Variants in VPS33A observed in about 807,000 individuals in gnomAD.
VPS33A encodes the protein vacuolar protein sorting-associated protein 33A.
VPS33A carries 32 observed loss-of-function variants against 71.8 expected under a neutral mutation model. The ratio of observed to expected loss-of-function variants is 0.45; its 90% CI spans 0.34 to 0.60. The LOEUF is 0.60. Ranked by LOEUF, VPS33A falls within the 20% of genes least tolerant of loss-of-function variation. The probability of loss-of-function intolerance (pLI) is 0.02; values close to 1 mark genes in which losing one functional copy is unlikely to be tolerated. For missense variants in VPS33A, 625 were observed against 748.5 expected, an observed-to-expected ratio of 0.84 and a Z score of 1.92; for synonymous variants, 311 against 292.7, an observed-to-expected ratio of 1.06 and a Z score of -0.64.
intron 6 of VPS33A, chr12:122,247,991 A>G (rs1208582750): frequency 1.3e-5 from 2 of 151,888 alleles, no homozygotes; most frequent in Non-Finnish European, 2.9e-5. Context: ...CCACCTCCTA[A>G]GTTCAAGCGA....
At chr12:122,233,463 T>C (rs1272500387) in intron 11 of VPS33A, among the ~76,000 whole-genome samples, 1 of 152,126 alleles carries the variant, frequency 6.6e-6, no homozygotes, top group Non-Finnish European at 1.5e-5. Context: ...TGACCTCAGG[T>C]GATCCACCTG....
At chr12:122,260,719 C>T (rs1449607324) in intron 4 of VPS33A, among the ~76,000 whole-genome samples, 1 of 152,210 alleles carries the variant, frequency 6.6e-6, no homozygotes, top group East Asian at 1.9e-4. Flanking sequence ...GGCGCGGTGG[C>T]TCACGCCTGT....
intron 11 of VPS33A, 145 bp downstream of exon 11, chr12:122,235,641 A>G (rs1163726352): frequency 3.8e-6 from 4 of 1,065,280 alleles, no homozygotes; most frequent in Non-Finnish European, 5.3e-6. Flanking sequence ...TGATGGATAC[A>G]ATACATGCAT....
intron 6 of VPS33A, among the ~76,000 whole-genome samples, chr12:122,246,444 C>T (rs61954371): frequency 0.078 from 11,887 of 151,556 alleles, 565 homozygotes; most frequent in Middle Eastern, 0.13. Context: ...GGATTACAGG[C>T]GCCCGCCACC....
intron 3 of VPS33A, among the ~76,000 whole-genome samples, chr12:122,262,842 G>A (rs867174017): frequency 6.6e-6 from 1 of 151,826 alleles, no homozygotes; most frequent in Non-Finnish European, 1.5e-5. Flanking sequence ...TTTAATTTTT[G>A]GGGGGTACAT....
At chr12:122,256,538 C>A (rs1954921627) in intron 4 of VPS33A, among the ~76,000 whole-genome samples, 1 of 151,880 alleles carries the variant, frequency 6.6e-6, no homozygotes, top group Non-Finnish European at 1.5e-5. Flanking sequence ...TGTGCCACTG[C>A]ATCCCAGCCT....
chr12:122,241,285 C>G (rs1024463849), intron 8 of VPS33A, among the ~76,000 whole-genome samples: 1 of 151,834 alleles, frequency 6.6e-6, no homozygotes, highest in Non-Finnish European at 1.5e-5. Context: ...AAAAAATGGA[C>G]CCTTCCTCTC....
In VPS33A at chr12:122,244,514, G is replaced by T. The variant is rs535210679; in HGVS notation, c.969+55C>A. 44 of 1,467,974 alleles carry T rather than the reference G, an allele frequency of 3.0e-5. No homozygotes were observed. In the South Asian group the frequency reaches 4.9e-4, roughly 16 times the overall value. The allele number at this position is 1,467,974 out of a possible 1,614,324, so 90.9% of individuals were successfully genotyped here. On this transcript the variant is annotated intron_variant, in intron 7 of 12. Transcript: ENST00000267199. ...TTTGGAGCTCTTATTCCCCTCAGGG[G>T]TGGGCATCTACCTGAGGCCTAGAGT...
At position 122,265,437 on chromosome 12, in the gene VPS33A, T is replaced by C. The variant is rs114337697; in HGVS notation, c.102+870A>G. On this transcript the variant is annotated intron_variant, in intron 1 of 12. Coordinates refer to ENST00000267199, the MANE Select transcript of VPS33A (RefSeq NM_022916.6). ...ATTTAAATAATTGTACATTAACGTT[T>C]AGTTAAAAGAAATAATACAGAGCGA... Among the ~76,000 whole-genome samples, 787 of 152,220 alleles carry C rather than the reference T, an allele frequency of 5.2e-3. 10 individuals carry two copies. The highest frequency in any genetic ancestry group is 0.018 in the African/African-American group (749 of 41,544).
At chr12:122,247,955 C>A (rs748050442) in intron 6 of VPS33A, 4 of 151,970 alleles carry the variant, frequency 2.6e-5, no homozygotes, top group African/African-American at 9.7e-5. Context: ...GGAGTGCAGC[C>A]GTGCGATCTT....
intron 6 of VPS33A, among the ~76,000 whole-genome samples, chr12:122,246,849 G>T (rs1385633097): frequency 2.6e-5 from 4 of 152,108 alleles, no homozygotes; most frequent in South Asian, 2.1e-4. Flanking sequence ...TGATTGGCCC[G>T]CCTTGGCCTC....
At chr12:122,240,633 CTG>C (rs896073839) in intron 8 of VPS33A, among the ~76,000 whole-genome samples, 5 of 152,200 alleles carry the variant, frequency 3.3e-5, no homozygotes, top group African/African-American at 1.2e-4. Context: ...TTTCCGATAA[CTG>C]TGATTTACTT....
intron 1 of VPS33A, among the ~76,000 whole-genome samples, chr12:122,266,009 G>C (rs1955063744): frequency 6.6e-6 from 1 of 152,200 alleles, no homozygotes; most frequent in African/African-American, 2.4e-5. Context: ...CCGGTGCCTC[G>C]GCAGGCAGCG....
At chr12:122,263,848 A>G in intron 2 of VPS33A, 149 bp from the exon 3 acceptor site, 1 of 1,041,928 alleles carries the variant, frequency 9.6e-7, no homozygotes. Context: ...TACATAAAGG[A>G]CAAAGTTTCA....
In VPS33A at chr12:122,230,445, G is replaced by A. The variant is rs1221607421; in HGVS notation, c.*1801C>T. 6.6e-6 allele frequency: 1 copy of A among 152,194 alleles called. No homozygotes were observed. Among genetic ancestry groups the A allele is most frequent in the Non-Finnish European group, 1.5e-5 (1 of 68,058 alleles). The allele number at this position is 152,194 out of a possible 1,614,324, so 9.4% of individuals were successfully genotyped here. A position where few individuals can be genotyped will look rare whatever the true frequency, so the allele number is the denominator to read the frequency against. ...AAAATACAAAAATTAGCCAGGTGTG[G>A]TGGTGCACATCTGTAATCCCAGCTA... On this transcript the variant is annotated 3_prime_UTR_variant, in exon 13 of 13. Coordinates refer to ENST00000267199, the MANE Select transcript of VPS33A (RefSeq NM_022916.6).
intron 4 of VPS33A, among the ~76,000 whole-genome samples, chr12:122,260,169 CG>C (rs1954973326): frequency 6.6e-6 from 1 of 152,034 alleles, no homozygotes; most frequent in African/African-American, 2.4e-5. Context: ...GGATTCTTTT[CG>C]GAATAGTTAA....
At chr12:122,262,317 C>G (rs938643080) in intron 3 of VPS33A, among the ~76,000 whole-genome samples, 3 of 152,164 alleles carry the variant, frequency 2.0e-5, no homozygotes, top group African/African-American at 7.2e-5. Flanking sequence ...TTCTCTTAAA[C>G]CATTTATGGG....
rs191076244 is a variant in VPS33A, at chr12:122,245,145, C to A, written c.776-383G>T. Among the ~76,000 whole-genome samples, 3 of 152,240 alleles carry A rather than the reference C, an allele frequency of 2.0e-5. No individual in the cohort carries two copies. In the East Asian group the frequency reaches 5.8e-4, roughly 29 times the overall value. On this transcript the variant is annotated intron_variant, in intron 6 of 12. Transcript: ENST00000267199. ...CAAGCTGGTGGGTTGCAAGTAGCAT[C>A]TTAAAACCAAAACCAAACGAAACCA...
At chr12:122,239,012 C>T (rs1954671716) in intron 9 of VPS33A, among the ~76,000 whole-genome samples, 1 of 151,714 alleles carries the variant, frequency 6.6e-6, no homozygotes, top group African/African-American at 2.4e-5. Context: ...CACACACACA[C>T]ACACACACAC....
Sources: gnomAD v4.1 joint callset for allele counts (sites outside exome capture counted in the v4.1 genomes callset) on GRCh38, gnomAD v4.1.1 for gene constraint, MANE v1.5 for transcripts, NCBI Gene and HGNC (gene_info 2026-07-23, HGNC 2026-07-21) for gene names.